The following ARHGAP31 variants were observed in gnomAD, a reference collection of about 807,000 sequenced individuals.
The protein encoded by ARHGAP31 is rho GTPase-activating protein 31.
A neutral mutation model predicts 113.9 loss-of-function variants in ARHGAP31; 34 were observed. The observed-to-expected ratio is 0.30, with a 90% CI of 0.23 to 0.40. The LOEUF is 0.40. Ranked by LOEUF, ARHGAP31 falls within the 10% of genes least tolerant of loss-of-function variation. The probability of loss-of-function intolerance (pLI) is 1.00; values close to 1 mark genes in which losing one functional copy is unlikely to be tolerated. For missense variants in ARHGAP31, 1,548 were observed against 1,767.1 expected (o/e 0.88, Z 2.22); for synonymous variants, 650 against 684.8 (o/e 0.95, Z 0.79).
chr3:119,387,393 A>C (rs1218540426), intron 6 of ARHGAP31, among the ~76,000 whole-genome samples: 1 of 152,244 alleles, frequency 6.6e-6, no homozygotes, highest in East Asian at 1.9e-4. Context: ...AATAAAAAGT[A>C]ATTGCTACAA....
intron 1 of ARHGAP31, 149 bp downstream of exon 1, chr3:119,295,153 A>G: frequency 1.5e-6 from 1 of 667,158 alleles, no homozygotes. Flanking sequence ...TTTTTTTTTT[A>G]AAGAACATAA....
chr3:119,332,645 A>T lies in ARHGAP31; in HGVS notation c.101-32671A>T, dbSNP rs914979952. Among the ~76,000 whole-genome samples the T allele has an allele frequency of 5.7e-3, 628 of 110,712 alleles. 4 individuals are homozygous for T. The highest frequency in any genetic ancestry group is 0.028 in the South Asian group (101 of 3,566). The allele number at this position is 110,712 out of a possible 152,430, so 72.6% of individuals were successfully genotyped here. ...CTCTCTCTCTCTCTCTCACACACAC[A>T]CACACACACACACACACACACACAC... On this transcript the variant is annotated intron_variant, in intron 1 of 11. Transcript: ENST00000264245.
rs1030876596 is a variant in ARHGAP31 at position 119,398,118 on chromosome 3, T to C, written c.1007-1081T>C. 7.9e-5 allele frequency among the ~76,000 whole-genome samples: 12 copies of C among 151,976 alleles called. No homozygotes were observed. In the South Asian group the frequency reaches 2.5e-3, roughly 32 times the overall value. On this transcript the variant is annotated intron_variant, in intron 8 of 11. Transcript: ENST00000264245. ...CCTGTTTCTAAAAAATTTTTTTAAA[T>C]TAGCCAGGTTTGTTGGTGTGTGCCT...
chr3:119,348,531 A>G (rs118189948), intron 1 of ARHGAP31, among the ~76,000 whole-genome samples: 2,791 of 152,240 alleles, frequency 0.018, 52 homozygotes, highest in East Asian at 0.06. Flanking sequence ...ACTCAAGGGG[A>G]ATTGGTTCCA....
chr3:119,388,308 T>A (rs6766786), intron 6 of ARHGAP31, among the ~76,000 whole-genome samples: 25,385 of 133,538 alleles, frequency 0.19, 2,890 homozygotes, highest in African/African-American at 0.3. Flanking sequence ...TGTATAATTT[T>A]TATATATATA....
At chr3:119,390,694 G>T in intron 6 of ARHGAP31, 91 bp from the exon 7 acceptor site, 1 of 1,402,626 alleles carries the variant, frequency 7.1e-7, no homozygotes, top group South Asian at 1.2e-5. Context: ...CCCATCATAG[G>T]ATCAAGAATG....
chr3:119,414,485 T>C lies in ARHGAP31; in HGVS notation c.2556T>C (p.Ala852=). Residue 852 remains alanine, a synonymous_variant, in exon 12 of 12, where the codon GCT becomes GCC. Transcript: ENST00000264245. ...RHSDKQNSKN[A]ASEGKGCGFP... is the part of the protein sequence containing the mutation. ...GTGACAAGCAAAATTCAAAGAATGCTGCTTCTGAGGGGAAAGGCTGTGGTT... is the reference window on the plus strand; with the variant it reads ...GTGACAAGCAAAATTCAAAGAATGCCGCTTCTGAGGGGAAAGGCTGTGGTT... 1.9e-6 allele frequency: 3 copies of C among 1,614,246 alleles called. No individual in the cohort carries two copies. The highest frequency in any genetic ancestry group is 2.2e-5 in the East Asian group (1 of 44,886).
chr3:119,330,813 A>G (rs185198913), intron 1 of ARHGAP31, among the ~76,000 whole-genome samples: 1 of 152,354 alleles, frequency 6.6e-6, no homozygotes, highest in Non-Finnish European at 1.5e-5. Flanking sequence ...AAATGCTTTT[A>G]AGTAGACTGT....
intron 4 of ARHGAP31, among the ~76,000 whole-genome samples, chr3:119,381,812 C>T (rs1264228846): frequency 6.6e-6 from 1 of 152,058 alleles, no homozygotes; most frequent in Non-Finnish European, 1.5e-5. Flanking sequence ...CGGTGAAACC[C>T]CGTCTCTACC....
At chr3:119,356,525 G>A (rs996866356) in intron 1 of ARHGAP31, among the ~76,000 whole-genome samples, 3 of 151,916 alleles carry the variant, frequency 2.0e-5, no homozygotes, top group Non-Finnish European at 2.9e-5. Flanking sequence ...CAGCTACTCA[G>A]GAGGCTAAGG....
intron 6 of ARHGAP31, among the ~76,000 whole-genome samples, chr3:119,390,381 A>C (rs151010739): frequency 7.0e-4 from 106 of 152,344 alleles, no homozygotes; most frequent in Non-Finnish European, 1.2e-3. Context: ...TCTGGCAGTT[A>C]GGCTATCTCT....
Position 119,402,305 on chromosome 3 carries a change from CTCTT to C in ARHGAP31, c.1556_1559del (p.Leu519ProfsTer75). The stretch of plus-strand genomic sequence containing the variant: ...AGAACACCCCCGAAGGAGCTGCAGT[CTCTT>C]TCCAGCCTGGAAGAGTTTTCTTTTC... On this transcript the variant is annotated frameshift_variant, in exon 10 of 12. Coordinates refer to ENST00000264245, the MANE Select transcript of ARHGAP31 (RefSeq NM_020754.4). LOFTEE classifies it high-confidence loss of function. 1 of 1,614,228 alleles carries C rather than the reference CTCTT, an allele frequency of 6.2e-7. No homozygotes were observed. Among genetic ancestry groups the C allele is most frequent in the East Asian group, 2.2e-5 (1 of 44,886 alleles).
intron 10 of ARHGAP31, among the ~76,000 whole-genome samples, chr3:119,406,114 C>T (rs2080658257): frequency 6.6e-6 from 1 of 152,300 alleles, no homozygotes; most frequent in African/African-American, 2.4e-5. Context: ...GGACATGTGG[C>T]TGGGCCACAG....
chr3:119,360,431 G>T (rs1050823007), intron 1 of ARHGAP31, among the ~76,000 whole-genome samples: 15 of 152,318 alleles, frequency 9.8e-5, no homozygotes, highest in Middle Eastern at 3.4e-3. Context: ...CCACAACCAC[G>T]TAAATGACCA....
chr3:119,399,388 CCCT>C (rs2080580398), intron 9 of ARHGAP31, 127 bp downstream of exon 9: 1 of 794,600 alleles, frequency 1.3e-6, no homozygotes, highest in African/African-American at 1.7e-5. Flanking sequence ...AGTCCCAAAT[CCCT>C]CACTGACCCT....
At chr3:119,340,521 T>C (rs16829712) in intron 1 of ARHGAP31, among the ~76,000 whole-genome samples, 22,245 of 152,168 alleles carry the variant, frequency 0.15, 2,771 homozygotes, top group African/African-American at 0.34. Flanking sequence ...TTAGCACCCT[T>C]TGACCTTATG....
chr3:119,415,785 C>G lies in ARHGAP31; in HGVS notation c.3856C>G (p.Pro1286Ala). 1.2e-6 allele frequency: 2 copies of G among 1,614,234 alleles called. No homozygotes were observed. Among genetic ancestry groups the G allele is most frequent in the Non-Finnish European group, 8.5e-7 (1 of 1,180,040 alleles). The change falls in exon 12 of 12, where the codon CCT becomes GCT. Residue 1286 changes from proline (P) to alanine (A), a missense_variant. Physicochemically the swap from Pro to Ala is conservative, Grantham distance 27. Transcript: ENST00000264245. ...CACTGCACCCTGCATGTGCGAGGGA[C>G]CTACCCTTTCTCCAGAACCAGGCTC... ...DATAPCMCEG[P>A]TLSPEPGSSN...
intron 1 of ARHGAP31, among the ~76,000 whole-genome samples, chr3:119,296,376 A>C (rs2079534454): frequency 6.6e-6 from 1 of 152,242 alleles, no homozygotes; most frequent in Non-Finnish European, 1.5e-5. Context: ...GGTAGATTTG[A>C]GATAAAAATC....
intron 1 of ARHGAP31, among the ~76,000 whole-genome samples, chr3:119,311,860 CAGA>C (rs1378021798): frequency 6.6e-6 from 1 of 152,194 alleles, no homozygotes; most frequent in African/African-American, 2.4e-5. Flanking sequence ...AGTTCTGACT[CAGA>C]GGAGTGGGAT....
Sources: gnomAD v4.1 joint callset for allele counts (sites outside exome capture counted in the v4.1 genomes callset) on GRCh38, gnomAD v4.1.1 for gene constraint, MANE v1.5 for transcripts, NCBI Gene and HGNC (gene_info 2026-07-23, HGNC 2026-07-21) for gene names.